The following TXNL4A variants were observed in gnomAD, a reference collection of about 807,000 sequenced individuals.
TXNL4A encodes the protein thioredoxin-like protein 4A.
TXNL4A carries 17 observed loss-of-function variants against 14.6 expected under a neutral mutation model. The observed-to-expected ratio is 1.16, with a 90% CI of 0.80 to 1.74. The LOEUF is 1.74. Among genes scored for constraint, TXNL4A ranks in the 40% most tolerant of loss-of-function variants. TXNL4A has a pLI of 0.00. For synonymous variants in TXNL4A, 83 were observed against 70.6 expected (o/e 1.18, Z -0.88); for missense variants, 74 against 195.2 (o/e 0.38, Z 3.70).
chr18:79,980,404 G>A (rs556910200), intron 1 of TXNL4A, among the ~76,000 whole-genome samples: 1 of 152,242 alleles, frequency 6.6e-6, no homozygotes, highest in African/African-American at 2.4e-5. Flanking sequence ...CAACCTGACT[G>A]TAACTTACAG....
chr18:79,973,776 AC>A lies in TXNL4A; in HGVS notation c.337del (p.Val113TrpfsTer77), dbSNP rs1374489481. ...GCGGTACACCGTCTCGATGATGTCC[AC>A]CATCTCCTGCTTGTCCTCCATGGCC... ...NWAMEDKQEM[V>X]DIIETVYRGA... On this transcript the variant is annotated frameshift_variant, in exon 3 of 3. Transcript: ENST00000269601. LOFTEE classifies it high-confidence loss of function. The A allele has an allele frequency of 6.2e-7, 1 of 1,614,174 alleles. No individual in the cohort carries two copies. The highest frequency in any genetic ancestry group is 1.7e-5 in the Admixed American group (1 of 60,016).
At chr18:80,018,139 C>T (rs1343686769) in intron 1 of TXNL4A, among the ~76,000 whole-genome samples, 10 of 152,196 alleles carry the variant, frequency 6.6e-5, no homozygotes, top group African/African-American at 2.2e-4. Context: ...AACTGTCTCT[C>T]AGACCACAGT....
chr18:80,028,572 A>G (rs181810370), intron 1 of TXNL4A, among the ~76,000 whole-genome samples: 281 of 133,642 alleles, frequency 2.1e-3, no homozygotes, highest in African/African-American at 6.8e-3. Context: ...AATGGTATAC[A>G]GATGGGTCTT....
At chr18:80,001,112 C>A (rs1423056391) in intron 1 of TXNL4A, among the ~76,000 whole-genome samples, 1 of 152,236 alleles carries the variant, frequency 6.6e-6, no homozygotes, top group East Asian at 1.9e-4. Flanking sequence ...ACTTGGTGCC[C>A]TGTGTCCCAG....
At chr18:80,027,918 G>T (rs2051895583) in intron 1 of TXNL4A, among the ~76,000 whole-genome samples, 1 of 152,214 alleles carries the variant, frequency 6.6e-6, no homozygotes, top group Admixed American at 6.5e-5. Flanking sequence ...TTGGGTCCTG[G>T]CTGGCTATTG....
chr18:80,015,797 T>C (rs966302458), intron 1 of TXNL4A, among the ~76,000 whole-genome samples: 1 of 149,616 alleles, frequency 6.7e-6, no homozygotes, highest in African/African-American at 2.5e-5. Context: ...GTCTTTGCTA[T>C]TGTGAATAGT....
In TXNL4A at chr18:79,973,417, A is replaced by T. The variant is rs2051329820; in HGVS notation, c.*268T>A. On this transcript the variant is annotated 3_prime_UTR_variant, in exon 3 of 3. Transcript: ENST00000269601. ...CAAAACGCACAGGCTCACAGGATAA[A>T]CACCTTCGTTTTACTCCAAGGGTAA... The T allele has an allele frequency of 2.5e-6, 1 of 400,404 alleles. No individual in the cohort carries two copies. The highest frequency in any genetic ancestry group is 4.4e-6 in the Non-Finnish European group (1 of 227,480). The allele number at this position is 400,404 out of a possible 1,614,324, so 24.8% of individuals were successfully genotyped here.
chr18:80,032,631 G>A, intron 1 of TXNL4A, among the ~76,000 whole-genome samples: 1 of 152,306 alleles, frequency 6.6e-6, no homozygotes, highest in East Asian at 1.9e-4. Context: ...CTTGAGGTCA[G>A]GAGTTTGAGA....
chr18:80,001,949 G>T (rs2051701000), intron 1 of TXNL4A, among the ~76,000 whole-genome samples: 1 of 152,122 alleles, frequency 6.6e-6, no homozygotes, highest in African/African-American at 2.4e-5. Flanking sequence ...CATGAGATTT[G>T]GGAGGGGCCA....
chr18:79,974,807 G>A (rs2051354164), intron 2 of TXNL4A, among the ~76,000 whole-genome samples: 1 of 152,144 alleles, frequency 6.6e-6, no homozygotes, highest in Non-Finnish European at 1.5e-5. Flanking sequence ...TGCGAGCTAT[G>A]TTGCTAAGGC....
In TXNL4A at chr18:79,971,612, G is replaced by C. The variant is rs1385433553; in HGVS notation, c.*2073C>G. ...TCCAAAGTGCTGGGATTACAGGCTT[G>C]AGACACCTGCACCCGGCCCATGTTT... On this transcript the variant is annotated 3_prime_UTR_variant, in exon 3 of 3. Transcript: ENST00000269601. The C allele has an allele frequency of 1.3e-5, 2 of 152,248 alleles. No homozygotes were observed. The highest frequency in any genetic ancestry group is 2.9e-5 in the Non-Finnish European group (2 of 68,062). The allele number at this position is 152,248 out of a possible 1,614,324, so 9.4% of individuals were successfully genotyped here. A position where few individuals can be genotyped will look rare whatever the true frequency, so the allele number is the denominator to read the frequency against.
intron 1 of TXNL4A, chr18:79,979,396 T>C (rs1211040747): frequency 5.9e-5 from 9 of 152,264 alleles, no homozygotes; most frequent in African/African-American, 1.7e-4. Context: ...ACTCCCAGCG[T>C]TGCAGGTGAG....
chr18:80,003,564 G>T (rs1049133207), intron 1 of TXNL4A, among the ~76,000 whole-genome samples: 3 of 152,020 alleles, frequency 2.0e-5, no homozygotes, highest in African/African-American at 7.3e-5. Context: ...AATATTAACT[G>T]TCAGGAATTT....
chr18:79,999,487 G>A (rs1159538339), intron 1 of TXNL4A, among the ~76,000 whole-genome samples: 3 of 140,210 alleles, frequency 2.1e-5, no homozygotes, highest in Non-Finnish European at 4.5e-5. Context: ...AGTGAGCCAA[G>A]ACTGCGCCAC....
At chr18:79,986,505 T>C (rs2051550690) in intron 1 of TXNL4A, 1 of 877,176 alleles carries the variant, frequency 1.1e-6, no homozygotes, top group Non-Finnish European at 1.4e-6. Flanking sequence ...ACTATGTGTG[T>C]CCACTAGTGA....
At chr18:80,021,242 T>C (rs1276925662) in intron 1 of TXNL4A, among the ~76,000 whole-genome samples, 1 of 151,804 alleles carries the variant, frequency 6.6e-6, no homozygotes, top group Non-Finnish European at 1.5e-5. Context: ...AGTGCCATGA[T>C]CTCAGCTCAC....
intron 1 of TXNL4A, among the ~76,000 whole-genome samples, chr18:80,015,510 C>G (rs868594896): frequency 3.3e-5 from 5 of 151,896 alleles, no homozygotes; most frequent in East Asian, 3.9e-4. Context: ...ATCCCTCCCC[C>G]CTACCCCCAC....
intron 1 of TXNL4A, among the ~76,000 whole-genome samples, chr18:80,013,532 T>G (rs2051786386): frequency 6.6e-6 from 1 of 152,080 alleles, no homozygotes. Context: ...CCTCCCAGGT[T>G]CAAACGATTC....
rs369437084 is a variant in TXNL4A at position 80,002,839 on chromosome 18, G to A, written c.-60-25138C>T. Among the ~76,000 whole-genome samples, 16 of 152,274 alleles carry A rather than the reference G, an allele frequency of 1.1e-4. No individual in the cohort carries two copies. In the East Asian group the frequency reaches 2.3e-3, roughly 22 times the overall value. On this transcript the variant is annotated intron_variant, in intron 1 of 2. Transcript: ENST00000585474. ...TCCTGGCTTTCCACTTCACGGACTC[G>A]GCCCTGAATTCTTTCTCACTGTGGT...
Sources: gnomAD v4.1 joint callset for allele counts (sites outside exome capture counted in the v4.1 genomes callset) on GRCh38, gnomAD v4.1.1 for gene constraint, MANE v1.5 for transcripts, NCBI Gene and HGNC (gene_info 2026-07-23, HGNC 2026-07-21) for gene names.